Variants in HSPA12A observed in about 807,000 individuals in gnomAD.
HSPA12A encodes the protein heat shock 70 kDa protein 12A.
HSPA12A carries 28 observed loss-of-function variants against 69.2 expected under a neutral mutation model. The ratio of observed to expected loss-of-function variants is 0.40; its 90% CI spans 0.30 to 0.55. The LOEUF (loss-of-function observed/expected upper bound fraction) is 0.55. Among genes scored for constraint, HSPA12A ranks in the 20% least tolerant of loss-of-function variants. The probability of loss-of-function intolerance (pLI) is 0.38; values close to 1 mark genes in which losing one functional copy is unlikely to be tolerated. For synonymous variants in HSPA12A, 345 were observed against 370.5 expected, an observed-to-expected ratio of 0.93 and a Z score of 0.79; for missense variants, 686 against 900.7, an observed-to-expected ratio of 0.76 and a Z score of 3.05.
intron 3 of HSPA12A, among the ~76,000 whole-genome samples, chr10:116,702,194 AT>A (rs1850097176): frequency 6.6e-6 from 1 of 152,032 alleles, no homozygotes; most frequent in Admixed American, 6.5e-5. Context: ...AGGAAACTCA[AT>A]GTATTCGCTC....
At chr10:116,837,792 C>T (rs918272839) in intron 1 of HSPA12A, among the ~76,000 whole-genome samples, 1 of 150,614 alleles carries the variant, frequency 6.6e-6, no homozygotes, top group Non-Finnish European at 1.5e-5. Context: ...GTATTTTTAT[C>T]TACCTATTTA....
Position 116,723,424 on chromosome 10 carries a change from G to A in HSPA12A, c.41-16139C>T, listed in dbSNP as rs1850846300. On this transcript the variant is annotated intron_variant, in intron 1 of 11. Coordinates refer to ENST00000369209, the MANE Select transcript of HSPA12A (RefSeq NM_025015.3). This position sits in a 1 kb window ranked among gnomAD's most constrained non-coding sequence, Gnocchi z 4.1. ...AGCTGTTCTTCCAGGGGCAGGGGACGGGGCTGAGGACCCCGAATGAGCTGG... is the reference window on the plus strand; with the variant it reads ...AGCTGTTCTTCCAGGGGCAGGGGACAGGGCTGAGGACCCCGAATGAGCTGG... Among the ~76,000 whole-genome samples, 1 of 152,174 alleles carries A rather than the reference G, an allele frequency of 6.6e-6. No individual in the cohort carries two copies. The highest frequency in any genetic ancestry group is 2.4e-5 in the African/African-American group (1 of 41,444).
chr10:116,782,765 A>C (rs1844491986), intron 2 of HSPA12A, among the ~76,000 whole-genome samples: 1 of 152,186 alleles, frequency 6.6e-6, no homozygotes, highest in Admixed American at 6.5e-5. Flanking sequence ...AGAGGACAGG[A>C]TCACCAAGGC....
intron 3 of HSPA12A, among the ~76,000 whole-genome samples, chr10:116,702,899 G>A (rs1296491111): frequency 1.3e-5 from 2 of 152,136 alleles, no homozygotes; most frequent in Non-Finnish European, 2.9e-5. Flanking sequence ...AACTATGGTG[G>A]TGCTTCATAA....
At chr10:116,769,022 C>T (rs1171685758) in intron 2 of HSPA12A, among the ~76,000 whole-genome samples, 1 of 152,146 alleles carries the variant, frequency 6.6e-6, no homozygotes, top group Non-Finnish European at 1.5e-5. Flanking sequence ...GATTCTTGCC[C>T]GCTGCAGACT....
chr10:116,700,918 G>A, intron 4 of HSPA12A, 25 bp downstream of exon 4: 2 of 1,608,004 alleles, frequency 1.2e-6, no homozygotes, highest in Non-Finnish European at 1.7e-6. Flanking sequence ...CGGGGGACCT[G>A]GGCCCAGGGG....
At chr10:116,758,854 C>T (rs1245255991) in intron 2 of HSPA12A, among the ~76,000 whole-genome samples, 5 of 152,160 alleles carry the variant, frequency 3.3e-5, no homozygotes, top group Non-Finnish European at 5.9e-5. Flanking sequence ...ATAGAAAAGC[C>T]TGATCCTGTG....
chr10:116,756,940 A>G (rs1358378155), intron 2 of HSPA12A, among the ~76,000 whole-genome samples: 1 of 152,206 alleles, frequency 6.6e-6, no homozygotes, highest in Non-Finnish European at 1.5e-5. Flanking sequence ...GCATCCTTCT[A>G]GGCCTTCTCC....
chr10:116,814,424 A>G (rs911458715), intron 2 of HSPA12A, among the ~76,000 whole-genome samples: 4 of 152,222 alleles, frequency 2.6e-5, no homozygotes, highest in African/African-American at 9.7e-5. Flanking sequence ...CTCACCTGTG[A>G]CATATCTCAG....
intron 1 of HSPA12A, among the ~76,000 whole-genome samples, chr10:116,714,647 CT>C (rs1457936355): frequency 6.6e-6 from 1 of 152,196 alleles, no homozygotes; most frequent in Non-Finnish European, 1.5e-5. Context: ...CTAACTCAAC[CT>C]TGTCAGGGTC....
At chr10:116,798,699 C>G (rs1442085480) in intron 2 of HSPA12A, among the ~76,000 whole-genome samples, 1 of 152,130 alleles carries the variant, frequency 6.6e-6, no homozygotes, top group African/African-American at 2.4e-5. Context: ...TGACTACATT[C>G]ATTTGTTGAA....
chr10:116,732,760 C>T (rs565061572), intron 1 of HSPA12A, among the ~76,000 whole-genome samples: 4 of 152,360 alleles, frequency 2.6e-5, no homozygotes, highest in South Asian at 4.1e-4. Context: ...AATTTGTTAA[C>T]GGCAAGGAGG....
intron 1 of HSPA12A, among the ~76,000 whole-genome samples, chr10:116,732,129 G>A (rs1475568873): frequency 6.6e-6 from 1 of 151,948 alleles, no homozygotes; most frequent in Non-Finnish European, 1.5e-5. Flanking sequence ...TCAGGAGTTC[G>A]AGACCAGCCT....
chr10:116,724,691 T>C (rs1260878128), intron 1 of HSPA12A, among the ~76,000 whole-genome samples: 1 of 152,200 alleles, frequency 6.6e-6, no homozygotes, highest in East Asian at 1.9e-4. Flanking sequence ...GTCTCAGGTT[T>C]TACCCAAAAC....
At chr10:116,811,774 G>A (rs1163753551) in intron 2 of HSPA12A, among the ~76,000 whole-genome samples, 1 of 152,102 alleles carries the variant, frequency 6.6e-6, no homozygotes, top group Non-Finnish European at 1.5e-5. Context: ...TTTCCCATAT[G>A]TCAACTGGTT....
intron 4 of HSPA12A, among the ~76,000 whole-genome samples, chr10:116,699,662 T>C (rs1028224075): frequency 1.3e-5 from 2 of 152,210 alleles, no homozygotes; most frequent in African/African-American, 4.8e-5. Flanking sequence ...CTTCTGCTCC[T>C]GGTGCCCAAC....
chr10:116,720,696 C>T (rs1032065763), intron 1 of HSPA12A, among the ~76,000 whole-genome samples: 14 of 152,242 alleles, frequency 9.2e-5, no homozygotes, highest in African/African-American at 3.4e-4. Context: ...GACAGGAGGG[C>T]AAACTGCACA....
rs533102841 is a variant in HSPA12A, at chr10:116,723,539, G to A, written c.41-16254C>T. Among the ~76,000 whole-genome samples the A allele has an allele frequency of 4.8e-4, 73 of 152,172 alleles. No individual in the cohort carries two copies. The highest frequency in any genetic ancestry group is 9.3e-4 in the Non-Finnish European group (63 of 68,034). On this transcript the variant is annotated intron_variant, in intron 1 of 11. Coordinates refer to ENST00000369209, the MANE Select transcript of HSPA12A (RefSeq NM_025015.3). The surrounding 1 kb of genome is among the most constrained non-coding windows in gnomAD (Gnocchi z 4.1). ...CTCAGTTTCCACAAGTACGTACCAG[G>A]CTAACAACTGTCTCTCTCACAGGGC...
chr10:116,718,161 A>C (rs1850663391), intron 1 of HSPA12A, among the ~76,000 whole-genome samples: 1 of 152,196 alleles, frequency 6.6e-6, no homozygotes, highest in Non-Finnish European at 1.5e-5. Flanking sequence ...TTTCATCATG[A>C]ACAGCCTTGT....
Sources: gnomAD v4.1 joint callset for allele counts (sites outside exome capture counted in the v4.1 genomes callset) on GRCh38, gnomAD v4.1.1 for gene constraint, Gnocchi (gnomAD v3.1) non-coding constraint, MANE v1.5 for transcripts, NCBI Gene and HGNC (gene_info 2026-07-23, HGNC 2026-07-21) for gene names.